PITPNM2: variants seen among roughly 807,000 people sequenced by gnomAD.
PITPNM2 encodes membrane-associated phosphatidylinositol transfer protein 2.
PITPNM2 carries 35 observed loss-of-function variants against 132.2 expected under a neutral mutation model. The observed-to-expected ratio is 0.26, with a 90% CI of 0.20 to 0.35. The LOEUF is 0.35. Among genes scored for constraint, PITPNM2 ranks in the 10% least tolerant of loss-of-function variants. The pLI, the probability that PITPNM2 is intolerant of heterozygous loss-of-function variation, is 1.00. For missense variants in PITPNM2, 1,332 were observed against 1,912.0 expected, an observed-to-expected ratio of 0.70 and a Z score of 5.66; for synonymous variants, 738 against 799.2, an observed-to-expected ratio of 0.92 and a Z score of 1.29.
chr12:123,077,608 C>T lies in PITPNM2; in HGVS notation c.-96+32777G>A, dbSNP rs549360541. On this transcript the variant is annotated intron_variant, in intron 2 of 25. Transcript: ENST00000320201. This position sits in a 1 kb window ranked among gnomAD's most constrained non-coding sequence, Gnocchi z 4.8. ...ACAGACTCCCTAGAGGAGAACTCCA[C>T]GCACCCAAACTCTGCTGTGCCCCCT... is the stretch of plus-strand genomic sequence containing the variant. Among the ~76,000 whole-genome samples, 538 of 152,296 alleles carry T rather than the reference C, an allele frequency of 3.5e-3. 2 individuals carry two copies. Among genetic ancestry groups the T allele is most frequent in the Non-Finnish European group, 5.7e-3 (390 of 68,020 alleles).
intron 1 of PITPNM2, among the ~76,000 whole-genome samples, chr12:123,118,268 G>A (rs2042967522): frequency 6.6e-6 from 1 of 152,334 alleles, no homozygotes; most frequent in South Asian, 2.1e-4. Context: ...AGTTCAGGGA[G>A]ATTGGATACA....
rs1880975 is a variant in PITPNM2, at chr12:123,121,343, G to C, written c.-199-10855C>G. ...AGGACATGATCATGCCCTCCAGCCTGGGCAACAGAACAAGACCGTGTGTCA... is the reference window on the plus strand; with the variant it reads ...AGGACATGATCATGCCCTCCAGCCTCGGCAACAGAACAAGACCGTGTGTCA... On this transcript the variant is annotated intron_variant, in intron 1 of 25. Transcript: ENST00000320201. 7.3e-3 allele frequency among the ~76,000 whole-genome samples: 1,109 copies of C among 152,262 alleles called. 44 individuals are homozygous for C. Among genetic ancestry groups the C allele is most frequent in the Admixed American group, 0.055 (847 of 15,286 alleles).
chr12:123,037,879 A>G (rs2040332767), intron 2 of PITPNM2, among the ~76,000 whole-genome samples: 1 of 152,256 alleles, frequency 6.6e-6, no homozygotes, highest in Admixed American at 6.5e-5. Flanking sequence ...ACATGTCTGG[A>G]ACAGATACCT....
chr12:123,012,918 C>T (rs2039269319), intron 4 of PITPNM2, among the ~76,000 whole-genome samples, 184 bp from the exon 5 acceptor site: 1 of 152,152 alleles, frequency 6.6e-6, no homozygotes, highest in Non-Finnish European at 1.5e-5. Context: ...CAAGAACAGC[C>T]AGGATGGGGG....
At chr12:122,991,167 G>C (rs969414229) in intron 16 of PITPNM2, among the ~76,000 whole-genome samples, 1 of 152,242 alleles carries the variant, frequency 6.6e-6, no homozygotes, top group Non-Finnish European at 1.5e-5. Flanking sequence ...CACAGAGAGA[G>C]GCAAGCCCTG....
intron 2 of PITPNM2, 26 bp from the exon 3 acceptor site, chr12:123,034,711 A>G: frequency 1.2e-6 from 1 of 808,628 alleles, no homozygotes; most frequent in Non-Finnish European, 2.1e-6. Context: ...GACAGAACAG[A>G]ACAGTCACTT....
In PITPNM2 at chr12:122,987,919, A is replaced by G; in HGVS notation, c.2998-18T>C. On this transcript the variant is annotated intron_variant, in intron 20 of 25. Transcript: ENST00000320201. ...GTCACGTTCTGTGGAGGGAGTGGCA[A>G]GCCCAGGTCAGGGGGTCGGAGGGCA... The G allele has an allele frequency of 6.3e-7, 1 of 1,599,858 alleles. No homozygotes were observed.
Position 123,000,277 on chromosome 12 carries a change from G to T in PITPNM2, c.1224+501C>A. The stretch of plus-strand genomic sequence containing the variant: ...GGAGGATGGGGCATGAACTCCCACA[G>T]AGAACCCCCGAAGCGGATACAGGCG... On this transcript the variant is annotated intron_variant, in intron 10 of 25. Transcript: ENST00000320201. This position sits in a 1 kb window ranked among gnomAD's most constrained non-coding sequence, Gnocchi z 5.4. 1.6e-6 allele frequency: 1 copy of T among 622,298 alleles called. No individual in the cohort carries two copies. Among genetic ancestry groups the T allele is most frequent in the South Asian group, 1.8e-5 (1 of 54,782 alleles). 38.5% of individuals were successfully genotyped at this position (622,298 alleles called of 1,614,324 possible).
intron 2 of PITPNM2, among the ~76,000 whole-genome samples, chr12:123,086,685 T>C (rs988242782): frequency 6.6e-6 from 1 of 152,130 alleles, no homozygotes; most frequent in African/African-American, 2.4e-5. Flanking sequence ...AGCCAAGAGG[T>C]AGTGGAGCCC....
chr12:123,116,982 C>T (rs2042946898), intron 1 of PITPNM2, among the ~76,000 whole-genome samples: 1 of 152,220 alleles, frequency 6.6e-6, no homozygotes, highest in Admixed American at 6.5e-5. Context: ...CAAATTGCCA[C>T]ACTGTGAGCA....
At chr12:123,073,760 C>T (rs532272033) in intron 2 of PITPNM2, among the ~76,000 whole-genome samples, 1 of 152,296 alleles carries the variant, frequency 6.6e-6, no homozygotes, top group Admixed American at 6.5e-5. Context: ...GTAGAGTGGC[C>T]TCGTACTCTG....
chr12:123,148,775 G>A (rs997665005), intron 1 of PITPNM2, among the ~76,000 whole-genome samples: 25 of 152,298 alleles, frequency 1.6e-4, no homozygotes, highest in African/African-American at 5.1e-4. Context: ...GGAGCTCACA[G>A]TCTAGTGGGG....
At chr12:123,051,133 G>A (rs1402906097) in intron 2 of PITPNM2, among the ~76,000 whole-genome samples, 2 of 152,216 alleles carry the variant, frequency 1.3e-5, no homozygotes, top group Non-Finnish European at 2.9e-5. Flanking sequence ...CTGACACCTT[G>A]TCCTAGGCCT....
At chr12:123,091,044 G>A (rs1174779240) in intron 2 of PITPNM2, 2 of 152,286 alleles carry the variant, frequency 1.3e-5, no homozygotes, top group African/African-American at 2.4e-5. Flanking sequence ...AGGAGGCTCA[G>A]GAAAAGTGGT....
chr12:123,127,610 C>CTTT (rs1202654049), intron 1 of PITPNM2, among the ~76,000 whole-genome samples: 2 of 139,478 alleles, frequency 1.4e-5, no homozygotes, highest in South Asian at 2.3e-4. Flanking sequence ...CTTTTTCTTT[C>CTTT]TTTTTTTTTT....
At chr12:123,094,519 G>A (rs1257702509) in intron 2 of PITPNM2, among the ~76,000 whole-genome samples, 1 of 152,262 alleles carries the variant, frequency 6.6e-6, no homozygotes, top group African/African-American at 2.4e-5. Context: ...CTCTGCCCCA[G>A]GAAAGCGGAC....
intron 10 of PITPNM2, among the ~76,000 whole-genome samples, chr12:122,998,010 C>G (rs1216000771): frequency 3.3e-5 from 5 of 152,192 alleles, no homozygotes; most frequent in Non-Finnish European, 7.4e-5. Flanking sequence ...CTGTGTGTGT[C>G]TGTCTTGGCC....
At chr12:123,112,229 G>A (rs1299746316) in intron 1 of PITPNM2, among the ~76,000 whole-genome samples, 3 of 152,204 alleles carry the variant, frequency 2.0e-5, no homozygotes, top group Non-Finnish European at 4.4e-5. Flanking sequence ...ACCTCTAGGG[G>A]CAGGGGGCTC....
intron 1 of PITPNM2, among the ~76,000 whole-genome samples, chr12:123,128,705 T>C (rs998115727): frequency 5.4e-5 from 8 of 147,736 alleles, no homozygotes; most frequent in Non-Finnish European, 1.2e-4. Flanking sequence ...TGAGCAAAGA[T>C]CGCGCCACTG....
Sources: allele counts gnomAD v4.1 joint callset (sites outside exome capture counted in the v4.1 genomes callset), GRCh38; gene constraint gnomAD v4.1.1; non-coding constraint Gnocchi (gnomAD v3.1); transcripts MANE v1.5; gene names NCBI Gene and HGNC (gene_info 2026-07-23, HGNC 2026-07-21).